The following SYNPR variants were observed in gnomAD, a reference collection of about 807,000 sequenced individuals.
The protein encoded by SYNPR is synaptoporin.
Under a neutral mutation model 32.9 loss-of-function variants are expected in SYNPR, and 23 were observed. The observed-to-expected ratio is 0.70, with a 90% CI of 0.50 to 0.99. The LOEUF (loss-of-function observed/expected upper bound fraction) is 0.99, where lower values mean the gene tolerates loss of function less well. SYNPR is among the 50% of genes least tolerant of loss of function. The probability of loss-of-function intolerance (pLI) is 0.00; values close to 1 mark genes in which losing one functional copy is unlikely to be tolerated. For missense variants in SYNPR, 318 were observed against 349.3 expected (o/e 0.91, Z 0.71); for synonymous variants, 146 against 135.9 (o/e 1.07, Z -0.52).
chr3:63,505,040 A>G (rs1215615840), intron 3 of SYNPR, among the ~76,000 whole-genome samples: 1 of 152,108 alleles, frequency 6.6e-6, no homozygotes, highest in Non-Finnish European at 1.5e-5. Context: ...AACTGGAAAC[A>G]GAAGGAAGAA....
chr3:63,236,374 A>G (rs940554410), intron 1 of SYNPR, among the ~76,000 whole-genome samples: 2 of 152,006 alleles, frequency 1.3e-5, no homozygotes, highest in African/African-American at 4.8e-5. Flanking sequence ...ATGTTTTCCT[A>G]CATATATATT....
At chr3:63,266,061 C>T (rs1451170458) in intron 2 of SYNPR, among the ~76,000 whole-genome samples, 1 of 152,116 alleles carries the variant, frequency 6.6e-6, no homozygotes, top group African/African-American at 2.4e-5. Flanking sequence ...CTCTAGCAAA[C>T]CTGGCCAAAG....
At chr3:63,512,795 G>T (rs139372017) in intron 3 of SYNPR, among the ~76,000 whole-genome samples, 1 of 152,268 alleles carries the variant, frequency 6.6e-6, no homozygotes, top group East Asian at 1.9e-4. Context: ...TGAAAATATA[G>T]CATAGTAAAT....
chr3:63,552,393 G>A (rs1222004533), intron 3 of SYNPR, among the ~76,000 whole-genome samples: 2 of 152,092 alleles, frequency 1.3e-5, no homozygotes, highest in African/African-American at 4.8e-5. Context: ...TAATATCACT[G>A]GCAAGGGTAG....
intron 2 of SYNPR, among the ~76,000 whole-genome samples, chr3:63,290,564 C>CT (rs58391406): frequency 4.8e-4 from 72 of 150,898 alleles, no homozygotes; most frequent in East Asian, 4.5e-3. Context: ...ACTTGTGTAT[C>CT]TTTTTTTTTT....
intron 2 of SYNPR, among the ~76,000 whole-genome samples, chr3:63,311,891 A>G (rs2086968200): frequency 6.6e-6 from 1 of 152,014 alleles, no homozygotes; most frequent in Non-Finnish European, 1.5e-5. Context: ...AACCTTGAGT[A>G]GGAATTAGGA....
intron 2 of SYNPR, among the ~76,000 whole-genome samples, chr3:63,385,556 A>G (rs1411925366): frequency 6.6e-6 from 1 of 152,230 alleles, no homozygotes; most frequent in Non-Finnish European, 1.5e-5. Flanking sequence ...CTCACTCAGC[A>G]AACTGGAAAG....
intron 2 of SYNPR, among the ~76,000 whole-genome samples, chr3:63,475,763 A>G (rs1255865125): frequency 6.6e-6 from 1 of 151,978 alleles, no homozygotes; most frequent in Non-Finnish European, 1.5e-5. Flanking sequence ...TTAGCCTTCC[A>G]GGTCTCACCC....
At position 63,304,957 on chromosome 3, in the gene SYNPR, A is replaced by G. The variant is rs535972352; in HGVS notation, c.84+26215A>G. 1.4e-3 allele frequency among the ~76,000 whole-genome samples: 218 copies of G among 152,096 alleles called. 10 individuals are homozygous for G. The highest frequency in any genetic ancestry group is 3.4e-3 in the Middle Eastern group (1 of 294). On this transcript the variant is annotated intron_variant, in intron 2 of 5. Transcript: ENST00000478300. ...CATATTACTTATAGAACAGTGGAGA[A>G]AGTTATATTCTGTCGGAGCCTCAGT... is the stretch of plus-strand genomic sequence containing the variant.
At chr3:63,218,822 T>C in the SYNPR span, among the ~76,000 whole-genome samples, 9 of 152,298 alleles carry the variant, frequency 5.9e-5, no homozygotes, top group East Asian at 1.2e-3. Context: ...CTGAAAGATA[T>C]TATGTTAAGA....
intron 2 of SYNPR, among the ~76,000 whole-genome samples, chr3:63,313,692 T>TATATATATCC (rs2086995352): frequency 3.0e-5 from 2 of 67,164 alleles, no homozygotes; most frequent in Admixed American, 1.7e-4. Context: ...TATATATCCA[T>TATATATATCC]ATATATATAT....
chr3:63,443,287 C>T, intron 2 of SYNPR: 1 of 1,468,418 alleles, frequency 6.8e-7, no homozygotes, highest in Middle Eastern at 2.1e-4. Context: ...GGTATAACAT[C>T]TCACTTTCCC....
At chr3:63,429,248 A>T (rs1699943522) in intron 2 of SYNPR, among the ~76,000 whole-genome samples, 3 of 152,240 alleles carry the variant, frequency 2.0e-5, no homozygotes, top group Non-Finnish European at 2.9e-5. Flanking sequence ...GGATTGTATC[A>T]ATAATTTGCA....
At chr3:63,391,277 A>T (rs989669375) in intron 2 of SYNPR, among the ~76,000 whole-genome samples, 15 of 152,178 alleles carry the variant, frequency 9.9e-5, no homozygotes, top group Middle Eastern at 3.4e-3. Context: ...AAGTCCATAA[A>T]ATTTGCACCA....
At chr3:63,426,496 G>A (rs1435518991) in intron 2 of SYNPR, among the ~76,000 whole-genome samples, 1 of 152,164 alleles carries the variant, frequency 6.6e-6, no homozygotes, top group Non-Finnish European at 1.5e-5. Flanking sequence ...GGGTATGGGA[G>A]TTTTAAGGAG....
chr3:63,592,240 C>G (rs998278876), intron 4 of SYNPR, among the ~76,000 whole-genome samples: 1 of 152,154 alleles, frequency 6.6e-6, no homozygotes, highest in Non-Finnish European at 1.5e-5. Context: ...AGAATTAGCC[C>G]TGCTAACACT....
At chr3:63,578,667 G>A (rs1050451130) in intron 4 of SYNPR, among the ~76,000 whole-genome samples, 1 of 152,072 alleles carries the variant, frequency 6.6e-6, no homozygotes, top group African/African-American at 2.4e-5. Context: ...GTAAATGGAG[G>A]TTTTCCTTAA....
At chr3:63,318,690 T>A (rs1278712454) in intron 2 of SYNPR, among the ~76,000 whole-genome samples, 1 of 152,090 alleles carries the variant, frequency 6.6e-6, no homozygotes, top group East Asian at 1.9e-4. Flanking sequence ...TTCTTTGCAT[T>A]GGGCTTTGCC....
At chr3:63,467,170 T>C (rs1390795460) in intron 2 of SYNPR, among the ~76,000 whole-genome samples, 1 of 152,086 alleles carries the variant, frequency 6.6e-6, no homozygotes, top group Non-Finnish European at 1.5e-5. Flanking sequence ...GCCACCCAGC[T>C]GAGCTAACTT....
Sources: allele counts gnomAD v4.1 joint callset (sites outside exome capture counted in the v4.1 genomes callset), GRCh38; gene constraint gnomAD v4.1.1; transcripts MANE v1.5; gene names NCBI Gene and HGNC (gene_info 2026-07-23, HGNC 2026-07-21).